The following TMEM62 variants were observed in gnomAD, a reference collection of about 807,000 sequenced individuals.
TMEM62 encodes the protein transmembrane protein 62.
In TMEM62, 41 loss-of-function variants were observed where a neutral mutation model predicts 70.4. That is an observed-to-expected ratio of 0.58 (90% CI 0.45 to 0.76). The LOEUF is 0.76. TMEM62 is among the 30% of genes least tolerant of loss of function. The pLI is 0.00. For missense variants in TMEM62, 688 were observed against 788.5 expected (o/e 0.87, Z 1.53); for synonymous variants, 268 against 291.0 (o/e 0.92, Z 0.80).
intron 11 of TMEM62, among the ~76,000 whole-genome samples, chr15:43,172,661 C>T (rs891416527): frequency 6.6e-6 from 1 of 152,096 alleles, no homozygotes; most frequent in Admixed American, 6.5e-5. Context: ...AAAATGTATG[C>T]TGACAATTCT....
At chr15:43,183,068 CCT>C (rs536415172) in intron 13 of TMEM62, among the ~76,000 whole-genome samples, 1 of 152,134 alleles carries the variant, frequency 6.6e-6, no homozygotes, top group Non-Finnish European at 1.5e-5. Flanking sequence ...CAAACCTGTT[CCT>C]CTCTGTTTTT....
chr15:43,138,475 G>A (rs750814486), intron 3 of TMEM62, 99 bp from the exon 4 acceptor site: 116 of 987,746 alleles, frequency 1.2e-4, no homozygotes, highest in Non-Finnish European at 1.5e-4. Flanking sequence ...TGGAAGAATT[G>A]TTATAGAAAG....
At chr15:43,181,583 C>T (rs2041331638) in intron 13 of TMEM62, among the ~76,000 whole-genome samples, 1 of 152,234 alleles carries the variant, frequency 6.6e-6, no homozygotes, top group African/African-American at 2.4e-5. Flanking sequence ...CTCACTGCAG[C>T]CTCCACCTCT....
At chr15:43,173,555 C>A (rs986886469) in intron 11 of TMEM62, among the ~76,000 whole-genome samples, 2 of 152,164 alleles carry the variant, frequency 1.3e-5, no homozygotes, top group Non-Finnish European at 2.9e-5. Flanking sequence ...TTCACTGTTC[C>A]CTATACGTGC....
chr15:43,163,149 C>T (rs2038961472), intron 10 of TMEM62, among the ~76,000 whole-genome samples: 1 of 150,924 alleles, frequency 6.6e-6, no homozygotes, highest in African/African-American at 2.4e-5. Flanking sequence ...CTGTAGTTCC[C>T]TCAGATCTCA....
At chr15:43,155,057 G>A (rs548702962) in intron 9 of TMEM62, among the ~76,000 whole-genome samples, 2 of 152,162 alleles carry the variant, frequency 1.3e-5, no homozygotes, top group South Asian at 2.1e-4. Flanking sequence ...GTGAAACCCT[G>A]TCTTTACAAA....
intron 13 of TMEM62, chr15:43,184,005 G>A: frequency 3.7e-6 from 2 of 538,886 alleles, no homozygotes; most frequent in Non-Finnish European, 6.6e-6. Flanking sequence ...TATTAACTGT[G>A]TATATGATAC....
At chr15:43,153,100 A>C (rs1179118210) in intron 8 of TMEM62, among the ~76,000 whole-genome samples, 1 of 152,212 alleles carries the variant, frequency 6.6e-6, no homozygotes, top group African/African-American at 2.4e-5. Context: ...AATATCTGGT[A>C]CATATATATT....
At chr15:43,146,978 T>C (rs1225641395) in intron 5 of TMEM62, among the ~76,000 whole-genome samples, 1 of 152,208 alleles carries the variant, frequency 6.6e-6, no homozygotes, top group Non-Finnish European at 1.5e-5. Flanking sequence ...AGTGTTTATT[T>C]TTTGAGACGG....
At chr15:43,160,647 A>T (rs373658290) in intron 9 of TMEM62, 34 bp from the exon 10 acceptor site, 2 of 1,190,018 alleles carry the variant, frequency 1.7e-6, no homozygotes, top group Non-Finnish European at 2.5e-6. Context: ...TTCCATGTAC[A>T]TGAAAGTTAC....
rs2084616443 is a variant in TMEM62 at position 43,148,771 on chromosome 15, T to A, written c.635T>A (p.Leu212His). ...GILDKKKMEELLLLAKESSRS... is the reference protein window; with the variant it reads ...GILDKKKMEEHLLLAKESSRS... ...CCATCTCAGAAAAAGATGGAGGAGC[T>A]CTTATTACTGGCCAAGGAAAGCAGT... The change falls in exon 6 of 14, where the codon CTC (leucine) becomes CAC (histidine). Residue 212 changes from leucine (L) to histidine (H), a missense_variant. Physicochemically the swap from Leu to His is moderately conservative, Grantham distance 99. Transcript: ENST00000260403. 6 of 1,613,738 alleles carry A rather than the reference T, an allele frequency of 3.7e-6. No homozygotes were observed. The highest frequency in any genetic ancestry group is 5.1e-6 in the Non-Finnish European group (6 of 1,179,956).
At chr15:43,177,857 G>A (rs997615418) in intron 11 of TMEM62, among the ~76,000 whole-genome samples, 3 of 151,694 alleles carry the variant, frequency 2.0e-5, no homozygotes, top group Non-Finnish European at 2.9e-5. Flanking sequence ...GTGGGGTGGG[G>A]TCAGGGGGAG....
chr15:43,143,957 C>T (rs1461866441), intron 4 of TMEM62, among the ~76,000 whole-genome samples: 1 of 152,084 alleles, frequency 6.6e-6, no homozygotes, highest in Non-Finnish European at 1.5e-5. Context: ...CTTTTGCCTT[C>T]AAGGAACTGA....
At chr15:43,140,472 T>A (rs928802295) in intron 4 of TMEM62, among the ~76,000 whole-genome samples, 10 of 151,920 alleles carry the variant, frequency 6.6e-5, no homozygotes, top group Non-Finnish European at 1.3e-4. Context: ...CCCAAAGAGG[T>A]GAGGGTAATC....
intron 8 of TMEM62, 36 bp from the exon 9 acceptor site, chr15:43,154,636 C>T: frequency 6.4e-7 from 1 of 1,568,708 alleles, no homozygotes; most frequent in Non-Finnish European, 8.6e-7. Context: ...AATGACAAAC[C>T]TCAAACCATG....
At chr15:43,162,433 CTTT>C (rs1169921008) in intron 10 of TMEM62, among the ~76,000 whole-genome samples, 1 of 136,994 alleles carries the variant, frequency 7.3e-6, no homozygotes, top group African/African-American at 3.1e-5. Flanking sequence ...GCCCCTGGCC[CTTT>C]TTTTTTTTTT....
chr15:43,135,657 C>T lies in TMEM62; in HGVS notation c.430+8C>T, dbSNP rs762638818. Reference sequence around the variant, plus strand: ...ATATCAAAGGAAATCATGGTAAGAGCCAAGAGCCAGATACAATAAAGACAA... The same window carrying T: ...ATATCAAAGGAAATCATGGTAAGAGTCAAGAGCCAGATACAATAAAGACAA... On this transcript the variant is annotated splice_region_variant and intron_variant, in intron 3 of 13. Coordinates refer to ENST00000260403, the MANE Select transcript of TMEM62 (RefSeq NM_024956.4). The T allele has an allele frequency of 1.1e-4, 170 of 1,582,970 alleles. No individual in the cohort carries two copies. The highest frequency in any genetic ancestry group is 1.4e-4 in the Non-Finnish European group (163 of 1,171,364).
At chr15:43,143,802 C>T (rs1893173817) in intron 4 of TMEM62, among the ~76,000 whole-genome samples, 1 of 152,230 alleles carries the variant, frequency 6.6e-6, no homozygotes, top group South Asian at 2.1e-4. Context: ...TTAGATTCCT[C>T]TTTTGGTTGC....
At chr15:43,134,662 C>G (rs1355079015) in intron 2 of TMEM62, among the ~76,000 whole-genome samples, 1 of 152,166 alleles carries the variant, frequency 6.6e-6, no homozygotes, top group Non-Finnish European at 1.5e-5. Flanking sequence ...GGTTTTTGTT[C>G]TTGTTGTTGT....
Sources: gnomAD v4.1 joint callset for allele counts (sites outside exome capture counted in the v4.1 genomes callset) on GRCh38, gnomAD v4.1.1 for gene constraint, MANE v1.5 for transcripts, NCBI Gene and HGNC (gene_info 2026-07-23, HGNC 2026-07-21) for gene names.